Variants in HEATR9 observed in about 807,000 individuals in gnomAD.
HEATR9 encodes HEAT repeat containing 9, also known as protein HEATR9.
Under a neutral mutation model 68.2 loss-of-function variants are expected in HEATR9, and 54 were observed. The ratio of observed to expected loss-of-function variants is 0.79; its 90% confidence interval spans 0.64 to 0.99. HEATR9 has a LOEUF of 0.99. Ranked by LOEUF, HEATR9 falls within the 50% of genes least tolerant of loss-of-function variation. The pLI, the probability that HEATR9 is intolerant of heterozygous loss-of-function variation, is 0.00. For missense variants in HEATR9, 662 were observed against 679.7 expected (o/e 0.97, Z 0.29); for synonymous variants, 241 against 253.5 (o/e 0.95, Z 0.47).
At position 35,858,781 on chromosome 17, in the gene HEATR9, CAG is replaced by C. The variant is rs2087869117; in HGVS notation, c.939+105_939+106del. On this transcript the variant is annotated intron_variant, in intron 9 of 14. Coordinates refer to ENST00000604834, the MANE Select transcript of HEATR9 (RefSeq NM_152781.4). ...ATACATGGACATAGTCATAAGCACA[CAG>C]AGGATCCTGCAGTGCTCCACCACCA... 4 of 1,252,768 alleles carry C rather than the reference CAG, an allele frequency of 3.2e-6. No individual in the cohort carries two copies. In the East Asian group the frequency reaches 9.3e-5, roughly 29 times the overall value. 77.6% of individuals were successfully genotyped at this position (1,252,768 alleles called of 1,614,324 possible).
At position 35,863,414 on chromosome 17, in the gene HEATR9, G is replaced by A. The variant is rs2088072299; in HGVS notation, c.625+88C>T. 1.3e-5 allele frequency: 17 copies of A among 1,352,844 alleles called. No homozygotes were observed. The South Asian group carries it at 1.8e-4, about 14-fold the overall frequency. The allele number at this position is 1,352,844 out of a possible 1,614,324, so 83.8% of individuals were successfully genotyped here. A position where few individuals can be genotyped will look rare whatever the true frequency, so the allele number is the denominator to read the frequency against. The stretch of plus-strand genomic sequence containing the variant: ...CTTGCCAAATGGTAGGTTGGAGCAA[G>A]TGTATGCTCCTCACCCATTTGTCCT... On this transcript the variant is annotated intron_variant, in intron 7 of 14. Transcript: ENST00000604834.
At chr17:35,863,750 T>C in intron 6 of HEATR9, 191 bp from the exon 7 acceptor site, 1 of 641,422 alleles carries the variant, frequency 1.6e-6, no homozygotes, top group Non-Finnish European at 2.7e-6. Flanking sequence ...GGGAGTTAGA[T>C]GTTTGTTCAA....
At chr17:35,861,493 T>C in intron 8 of HEATR9, 1 of 1,243,300 alleles carries the variant, frequency 8.0e-7, no homozygotes, top group Non-Finnish European at 1.2e-6. Flanking sequence ...CACCTTGCAG[T>C]CGTTGCGGAC....
At position 35,864,546 on chromosome 17, in the gene HEATR9, G is replaced by C. The variant is rs564241223; in HGVS notation, c.461C>G (p.Thr154Arg). ...CTCTCTGGGAGATTCCAGGCTTTTT[G>C]TGAGTTCCTGCCCATCCAAGGCAGC... Reference protein sequence around the residue: ...PLKWQRLRELTKSLESPREDE... With the variant: ...PLKWQRLRELRKSLESPREDE... Residue 154 changes from threonine (T) to arginine (R), a missense_variant, in exon 5 of 15, where the codon ACA (threonine) becomes AGA (arginine). Transcript: ENST00000604834. 45 of 1,613,844 alleles carry C rather than the reference G, an allele frequency of 2.8e-5. No individual in the cohort carries two copies. The highest frequency in any genetic ancestry group is 3.8e-5 in the Non-Finnish European group (45 of 1,179,920).
chr17:35,859,743 A>C (rs2087910074), intron 8 of HEATR9, among the ~76,000 whole-genome samples: 1 of 152,216 alleles, frequency 6.6e-6, no homozygotes, highest in Non-Finnish European at 1.5e-5. Flanking sequence ...TGATCTTGTT[A>C]AAATGTGTGA....
intron 9 of HEATR9, among the ~76,000 whole-genome samples, 166 bp from the exon 10 acceptor site, chr17:35,858,691 AC>A (rs2087865122): frequency 6.6e-6 from 1 of 152,092 alleles, no homozygotes; most frequent in African/African-American, 2.4e-5. Context: ...ACATAAATGA[AC>A]ACCCACACCT....
rs1384686664 is a variant in HEATR9, at chr17:35,856,662, C to G, written c.1226+70G>C. 6 of 1,360,826 alleles carry G rather than the reference C, an allele frequency of 4.4e-6. No individual in the cohort carries two copies. In the Admixed American group the frequency reaches 9.8e-5, roughly 22 times the overall value. 84.3% of individuals were successfully genotyped at this position (1,360,826 alleles called of 1,614,324 possible). A position where few individuals can be genotyped will look rare whatever the true frequency, so the allele number is the denominator to read the frequency against. ...TGACCCTCTGACCCCTTCCCACTGA[C>G]CCTCTCACTGACCCTCTGCCCCCTT... is the stretch of plus-strand genomic sequence containing the variant. On this transcript the variant is annotated intron_variant, in intron 12 of 14. Transcript: ENST00000604834.
intron 1 of HEATR9, among the ~76,000 whole-genome samples, chr17:35,868,370 A>G (rs1387363983): frequency 6.6e-6 from 1 of 152,180 alleles, no homozygotes; most frequent in East Asian, 1.9e-4. Context: ...ACCCTATGCA[A>G]AGATTTGGAG....
Position 35,858,304 on chromosome 17 carries a change from T to G in HEATR9, c.1048A>C (p.Thr350Pro). ...SSVLEDRFEATQMLKTIGLEQ... is the reference protein window; with the variant it reads ...SSVLEDRFEAPQMLKTIGLEQ... Reference sequence around the variant, plus strand: ...AGCCCAATGGTCTTGAGCATTTGGGTGGCTTCAAAGCGGTCCTGAGGTCGG... The same window carrying G: ...AGCCCAATGGTCTTGAGCATTTGGGGGGCTTCAAAGCGGTCCTGAGGTCGG... Residue 350 changes from threonine to proline, a missense_variant, in exon 11 of 15, where the codon ACC (threonine) becomes CCC (proline). Physicochemically the swap from Thr to Pro is conservative, Grantham distance 38 (BLOSUM62 -1). Transcript: ENST00000604834. The G allele has an allele frequency of 4.3e-6, 7 of 1,614,086 alleles. No individual in the cohort carries two copies. The highest frequency in any genetic ancestry group is 5.9e-6 in the Non-Finnish European group (7 of 1,179,988).
chr17:35,855,236 C>T lies in HEATR9; in HGVS notation c.1540G>A (p.Ala514Thr), dbSNP rs770051610. The T allele has an allele frequency of 1.9e-5, 31 of 1,614,066 alleles. 2 individuals carry two copies. In the South Asian group the frequency reaches 3.4e-4, roughly 18 times the overall value. The change falls in exon 15 of 15, where the codon GCA becomes ACA. Residue 514 changes from alanine (A) to threonine (T), a missense_variant. Coordinates refer to ENST00000604834, the MANE Select transcript of HEATR9 (RefSeq NM_152781.4). The part of the protein sequence containing the change: ...EELTIQDFRL[A>T]KLNPLFIAKS... ...GCAATAAACAAGGGGTTCAGCTTTGCAAGTCGAAAGTCTTGAATAGTTAAC... is the reference window on the plus strand; with the variant it reads ...GCAATAAACAAGGGGTTCAGCTTTGTAAGTCGAAAGTCTTGAATAGTTAAC...
intron 8 of HEATR9, among the ~76,000 whole-genome samples, chr17:35,862,408 G>C (rs2143938517): frequency 6.6e-6 from 1 of 152,146 alleles, no homozygotes; most frequent in East Asian, 1.9e-4. Context: ...CACTAAAGGA[G>C]AAAAAAACAG....
chr17:35,856,672 G>A (rs1358082290), intron 12 of HEATR9, 60 bp downstream of exon 12: 1 of 1,446,262 alleles, frequency 6.9e-7, no homozygotes, highest in Non-Finnish European at 9.5e-7. Flanking sequence ...CCCTCTCACT[G>A]ACCCTCTGCC....
At chr17:35,855,771 GTGCCTA>G in intron 13 of HEATR9, 21 bp from the exon 14 acceptor site, 1 of 1,602,716 alleles carries the variant, frequency 6.2e-7, no homozygotes, top group Non-Finnish European at 8.5e-7. Context: ...CAGAGTGAGA[GTGCCTA>G]TGTAGCCAGC....
rs1177419036 is a variant in HEATR9, at chr17:35,868,689, C to CA, written c.53dup (p.Tyr19ValfsTer60). 6.2e-7 allele frequency: 1 copy of CA among 1,614,072 alleles called. No homozygotes were observed. Among genetic ancestry groups the CA allele is most frequent in the Non-Finnish European group, 8.5e-7 (1 of 1,180,036 alleles). On this transcript the variant is annotated frameshift_variant, in exon 1 of 15. Coordinates refer to ENST00000604834, the MANE Select transcript of HEATR9 (RefSeq NM_152781.4). LOFTEE classifies it high-confidence loss of function. The stretch of plus-strand genomic sequence containing the variant: ...TGTCTGGATATTCCAGCCATGGGTA[C>CA]AGGAACATTGACCTGGAGACATCAG...
At chr17:35,866,879 A>G in intron 1 of HEATR9, 106 bp from the exon 2 acceptor site, 2 of 1,083,646 alleles carry the variant, frequency 1.8e-6, no homozygotes, top group Non-Finnish European at 2.9e-6. Flanking sequence ...AAGCCAAGGC[A>G]GGCAGATCAC....
intron 1 of HEATR9, 88 bp downstream of exon 1, chr17:35,868,567 C>T (rs1234908895): frequency 6.3e-7 from 1 of 1,584,926 alleles, no homozygotes; most frequent in South Asian, 1.2e-5. Context: ...CTGAACTCAC[C>T]TAGACCCTTG....
intron 11 of HEATR9, among the ~76,000 whole-genome samples, chr17:35,857,715 C>T (rs554526570): frequency 5.3e-5 from 8 of 151,746 alleles, no homozygotes; most frequent in South Asian, 2.1e-4. Context: ...GCCAAGATCG[C>T]GCCACTGCAC....
Position 35,855,789 on chromosome 17 carries a change from C to T in HEATR9, c.1279-39G>A, listed in dbSNP as rs747112408. 8 of 1,522,794 alleles carry T rather than the reference C, an allele frequency of 5.3e-6. No individual in the cohort carries two copies. In the Admixed American group the frequency reaches 1.2e-4, roughly 22 times the overall value. The allele number at this position is 1,522,794 out of a possible 1,614,324, so 94.3% of individuals were successfully genotyped here. A position where few individuals can be genotyped will look rare whatever the true frequency, so the allele number is the denominator to read the frequency against. On this transcript the variant is annotated intron_variant, in intron 13 of 14. Transcript: ENST00000604834. The stretch of plus-strand genomic sequence containing the variant: ...AGTGAGAGTGCCTATGTAGCCAGCC[C>T]CAGGAAGACACCTTATACTCTTTCC...
intron 1 of HEATR9, 89 bp downstream of exon 1, chr17:35,868,565 AC>A: frequency 1.3e-6 from 2 of 1,581,970 alleles, no homozygotes; most frequent in Non-Finnish European, 1.7e-6. Flanking sequence ...TGCTGAACTC[AC>A]CTAGACCCTT....
Sources: allele counts gnomAD v4.1 joint callset (sites outside exome capture counted in the v4.1 genomes callset), GRCh38; gene constraint gnomAD v4.1.1; transcripts MANE v1.5; gene names NCBI Gene and HGNC (gene_info 2026-07-23, HGNC 2026-07-21).